The following RNF19A variants were observed in gnomAD, a reference collection of about 807,000 sequenced individuals.
RNF19A encodes ring finger protein 19A, RBR E3 ubiquitin protein ligase, also known as E3 ubiquitin-protein ligase RNF19A.
In RNF19A, 32 loss-of-function variants were observed where a neutral mutation model predicts 75.7. The ratio of observed to expected loss-of-function variants is 0.42; its 90% CI spans 0.32 to 0.57. The LOEUF (loss-of-function observed/expected upper bound fraction) is 0.57. Among genes scored for constraint, RNF19A ranks in the 20% least tolerant of loss-of-function variants. The probability of loss-of-function intolerance (pLI) is 0.10; values close to 1 mark genes in which losing one functional copy is unlikely to be tolerated. For synonymous variants in RNF19A, 335 were observed against 345.2 expected (o/e 0.97, Z 0.33); for missense variants, 782 against 1,036.3 (o/e 0.75, Z 3.37).
In RNF19A at chr8:100,333,865, C is replaced by T. The variant is rs141806052; in HGVS notation, c.-243+2243G>A. On this transcript the variant is annotated intron_variant, in intron 1 of 3. Transcript: ENST00000519527. The surrounding 1 kb of genome is among the most constrained non-coding windows in gnomAD (Gnocchi z 4.7). ...AAAACACATTGTCTATCTTTATTTA[C>T]GACCCCATAATGACTCCCTGTTCCC... Among the ~76,000 whole-genome samples the T allele has an allele frequency of 9.9e-5, 15 of 152,272 alleles. No individual in the cohort carries two copies. The highest frequency in any genetic ancestry group is 1.3e-4 in the Admixed American group (2 of 15,304).
intron 1 of RNF19A, among the ~76,000 whole-genome samples, chr8:100,335,751 A>G (rs1384014814): frequency 6.6e-6 from 1 of 152,198 alleles, no homozygotes; most frequent in Non-Finnish European, 1.5e-5. Flanking sequence ...AGTGCACTGG[A>G]CAGTGACGGT....
chr8:100,315,325 G>A (rs28595052), intron 1 of RNF19A, among the ~76,000 whole-genome samples: 49,093 of 151,916 alleles, frequency 0.32, 8,615 homozygotes, highest in East Asian at 0.41. Context: ...TATAGACACA[G>A]GACAAGGTAC....
intron 1 of RNF19A, among the ~76,000 whole-genome samples, chr8:100,304,692 C>T (rs1027931712): frequency 6.6e-6 from 1 of 152,196 alleles, no homozygotes; most frequent in East Asian, 1.9e-4. Flanking sequence ...GTCGCCTCTC[C>T]TGATTCTATT....
At chr8:100,292,435 G>GGGGTGTGTGTGTGTGTGTGTGTGTGT (rs137938989) in intron 1 of RNF19A, among the ~76,000 whole-genome samples, 1 of 145,332 alleles carries the variant, frequency 6.9e-6, no homozygotes, top group African/African-American at 2.5e-5. Flanking sequence ...CTATCATATG[G>GGGGTGTGTGTGTGTGTGTGTGTGTGT]GTGTGTGTGT....
Position 100,322,181 on chromosome 8 carries a change from T to C in RNF19A, c.-242-8809A>G. ...ACTTCTCCTCTCTATGAAGTCCAAATGGCATCTTCTTCCTATATGAGTCTG... is the reference window on the plus strand; with the variant it reads ...ACTTCTCCTCTCTATGAAGTCCAAACGGCATCTTCTTCCTATATGAGTCTG... On this transcript the variant is annotated intron_variant, in intron 1 of 3. Coordinates refer to the RNF19A transcript ENST00000519527. This position sits in a 1 kb window ranked among gnomAD's most constrained non-coding sequence, Gnocchi z 5.1. 6.6e-6 allele frequency among the ~76,000 whole-genome samples: 1 copy of C among 152,196 alleles called. No individual in the cohort carries two copies. The highest frequency in any genetic ancestry group is 1.9e-4 in the East Asian group (1 of 5,200).
chr8:100,278,947 A>G (rs954938258), intron 2 of RNF19A, among the ~76,000 whole-genome samples: 4 of 152,152 alleles, frequency 2.6e-5, no homozygotes, highest in African/African-American at 9.7e-5. Flanking sequence ...CCGTGGACCT[A>G]AAGCATATTT....
intron 5 of RNF19A, among the ~76,000 whole-genome samples, chr8:100,266,675 T>G (rs927478163): frequency 3.3e-5 from 5 of 152,002 alleles, no homozygotes; most frequent in African/African-American, 1.2e-4. Context: ...CACTCCCAGC[T>G]GATTATTTAG....
chr8:100,301,317 C>T (rs1342066888), intron 1 of RNF19A, among the ~76,000 whole-genome samples: 3 of 152,236 alleles, frequency 2.0e-5, no homozygotes, highest in Non-Finnish European at 4.4e-5. Context: ...TACTATCTTA[C>T]TGCCTAGACT....
intron 1 of RNF19A, among the ~76,000 whole-genome samples, chr8:100,307,991 C>A (rs538893246): frequency 6.6e-6 from 1 of 152,224 alleles, no homozygotes; most frequent in East Asian, 1.9e-4. Context: ...ATGGACAGTT[C>A]TTTATATTAA....
At chr8:100,295,646 G>A (rs1285056336) in intron 1 of RNF19A, among the ~76,000 whole-genome samples, 1 of 152,004 alleles carries the variant, frequency 6.6e-6, no homozygotes, top group Non-Finnish European at 1.5e-5. Context: ...TTTAAATATG[G>A]CTATGTACAA....
chr8:100,314,081 C>T (rs946968427), upstream of RNF19A, among the ~76,000 whole-genome samples: 10 of 151,698 alleles, frequency 6.6e-5, no homozygotes, highest in Admixed American at 1.3e-4. The surrounding 1 kb of genome is among the most constrained non-coding windows in gnomAD (Gnocchi z 4.1). Context: ...GAGGTTTTGC[C>T]ATGTCGCTCA....
Position 100,264,568 on chromosome 8 carries a change from A to G in RNF19A, c.1306+103T>C. On this transcript the variant is annotated intron_variant, in intron 6 of 9. Transcript: ENST00000341084. This position sits in a 1 kb window ranked among gnomAD's most constrained non-coding sequence, Gnocchi z 4.7. Reference sequence around the variant, plus strand: ...TCAACCAAGACTTACTGCAGGCTCAATTTAAATTGTCCTCAAATTAAAAAA... The same window carrying G: ...TCAACCAAGACTTACTGCAGGCTCAGTTTAAATTGTCCTCAAATTAAAAAA... The G allele has an allele frequency of 1.3e-6, 1 of 774,660 alleles. No homozygotes were observed. Among genetic ancestry groups the G allele is most frequent in the East Asian group, 2.5e-5 (1 of 39,528 alleles). 48.0% of individuals were successfully genotyped at this position (774,660 alleles called of 1,614,324 possible).
In RNF19A at chr8:100,329,540, A is replaced by C. The variant is rs534748282; in HGVS notation, c.-243+6568T>G. 6.6e-6 allele frequency among the ~76,000 whole-genome samples: 1 copy of C among 152,336 alleles called. No homozygotes were observed. Among genetic ancestry groups the C allele is most frequent in the East Asian group, 1.9e-4 (1 of 5,194 alleles). On this transcript the variant is annotated intron_variant, in intron 1 of 3. Coordinates refer to the RNF19A transcript ENST00000519527. The surrounding 1 kb of genome is among the most constrained non-coding windows in gnomAD (Gnocchi z 4.3). ...TAAAGGAAGTCAATGGTCCCACTGA[A>C]CTCAGCAATGGTCAGGCCTCATCTG...
At chr8:100,286,859 C>CTA (rs1392844039) in intron 2 of RNF19A, among the ~76,000 whole-genome samples, 5 of 152,102 alleles carry the variant, frequency 3.3e-5, no homozygotes, top group Non-Finnish European at 7.4e-5. Flanking sequence ...AATAAATACT[C>CTA]TATAAACAGG....
chr8:100,267,945 T>C (rs1820063825), intron 5 of RNF19A, among the ~76,000 whole-genome samples: 2 of 152,208 alleles, frequency 1.3e-5, no homozygotes, highest in Admixed American at 6.5e-5. Context: ...TCCAAAGTGC[T>C]AAGATTACAG....
rs1038576904 is a variant in RNF19A, at chr8:100,331,804, A to T, written c.-243+4304T>A. 6.6e-6 allele frequency among the ~76,000 whole-genome samples: 1 copy of T among 152,198 alleles called. No individual in the cohort carries two copies. Among genetic ancestry groups the T allele is most frequent in the African/African-American group, 2.4e-5 (1 of 41,450 alleles). The stretch of plus-strand genomic sequence containing the variant: ...ATTGATCAAAAGCAAGTCTGTGCAC[A>T]TACAAATAAATCTATATATATCCTC... On this transcript the variant is annotated intron_variant, in intron 1 of 3. Coordinates refer to the RNF19A transcript ENST00000519527. The surrounding 1 kb of genome is among the most constrained non-coding windows in gnomAD (Gnocchi z 5.2).
intron 1 of RNF19A, among the ~76,000 whole-genome samples, chr8:100,334,263 T>TC (rs1222147970): frequency 6.6e-6 from 1 of 152,246 alleles, no homozygotes; most frequent in Non-Finnish European, 1.5e-5. Context: ...TAATTTTGAC[T>TC]TTTCAACTAT....
At chr8:100,277,564 A>G (rs921977487) in intron 2 of RNF19A, among the ~76,000 whole-genome samples, 14 of 151,840 alleles carry the variant, frequency 9.2e-5, no homozygotes, top group Non-Finnish European at 1.8e-4. Flanking sequence ...TGCCCGCCTC[A>G]GCCTCCCAAG....
upstream of RNF19A, among the ~76,000 whole-genome samples, chr8:100,311,536 G>A (rs1303058855): frequency 6.6e-6 from 1 of 152,022 alleles, no homozygotes; most frequent in African/African-American, 2.4e-5. Flanking sequence ...GGCTAACATA[G>A]TGAAACCCCG....
Sources: allele counts gnomAD v4.1 joint callset (sites outside exome capture counted in the v4.1 genomes callset), GRCh38; gene constraint gnomAD v4.1.1; non-coding constraint Gnocchi (gnomAD v3.1); transcripts MANE v1.5; gene names NCBI Gene and HGNC (gene_info 2026-07-23, HGNC 2026-07-21).